MPPED1: variants seen among roughly 807,000 people sequenced by gnomAD.
The protein encoded by MPPED1 is metallophosphoesterase domain containing 1.
In MPPED1, 16 loss-of-function variants were observed where a neutral mutation model predicts 36.2. That is an observed-to-expected ratio of 0.44 (90% CI 0.30 to 0.67). MPPED1 has a LOEUF of 0.67. Ranked by LOEUF, MPPED1 falls within the 30% of genes least tolerant of loss-of-function variation. The probability of loss-of-function intolerance (pLI) is 0.10; values close to 1 mark genes in which losing one functional copy is unlikely to be tolerated. For missense variants in MPPED1, 307 were observed against 453.4 expected, an observed-to-expected ratio of 0.68 and a Z score of 2.93; for synonymous variants, 199 against 191.3, an observed-to-expected ratio of 1.04 and a Z score of -0.33.
intron 3 of MPPED1, among the ~76,000 whole-genome samples, chr22:43,462,686 T>G (rs1221032835): frequency 1.3e-5 from 2 of 152,218 alleles, no homozygotes; most frequent in East Asian, 3.8e-4. Flanking sequence ...CTCTGTAGTG[T>G]GGTGAGATGT....
chr22:43,456,597 C>T (rs146316049), intron 3 of MPPED1, among the ~76,000 whole-genome samples: 22 of 152,212 alleles, frequency 1.4e-4, no homozygotes, highest in African/African-American at 4.6e-4. Context: ...CAGGTTCAAG[C>T]GATTCCTGTG....
intron 2 of MPPED1, among the ~76,000 whole-genome samples, chr22:43,425,576 C>T (rs1441929386): frequency 3.3e-5 from 5 of 152,240 alleles, no homozygotes; most frequent in African/African-American, 1.2e-4. Flanking sequence ...CTGGCGGGGG[C>T]CACATTCCCG....
chr22:43,502,926 AAATGT>A lies in MPPED1; in HGVS notation c.862+170_862+174del, dbSNP rs1932761469. Among the ~76,000 whole-genome samples the A allele has an allele frequency of 6.6e-6, 1 of 152,198 alleles. No homozygotes were observed. The highest frequency in any genetic ancestry group is 2.4e-5 in the African/African-American group (1 of 41,448). On this transcript the variant is annotated intron_variant, in intron 6 of 6. Transcript: ENST00000443721. The surrounding 1 kb of genome is among the most constrained non-coding windows in gnomAD (Gnocchi z 5.5). Reference sequence around the variant, plus strand: ...CCCTGGCTGTCAATGAGCTATTGCTAAATGTTTAATAATAGGAAGATGATCACAAC... The same window carrying A: ...CCCTGGCTGTCAATGAGCTATTGCTATTAATAATAGGAAGATGATCACAAC...
chr22:43,466,499 C>T (rs1931176583), intron 3 of MPPED1, among the ~76,000 whole-genome samples: 1 of 152,198 alleles, frequency 6.6e-6, no homozygotes, highest in Non-Finnish European at 1.5e-5. Flanking sequence ...CCCCGAAATG[C>T]AATGAAAATG....
chr22:43,425,680 C>T (rs1316559698), intron 2 of MPPED1, among the ~76,000 whole-genome samples: 2 of 152,256 alleles, frequency 1.3e-5, no homozygotes, highest in East Asian at 3.9e-4. Flanking sequence ...GGGGAAGGGG[C>T]TCGCCACAAG....
At chr22:43,445,143 C>T (rs1202369781) in intron 3 of MPPED1, among the ~76,000 whole-genome samples, 1 of 152,238 alleles carries the variant, frequency 6.6e-6, no homozygotes, top group Non-Finnish European at 1.5e-5. Flanking sequence ...TGACATCCAT[C>T]TCATTCCACT....
intron 4 of MPPED1, among the ~76,000 whole-genome samples, chr22:43,481,376 T>C (rs939253768): frequency 2.0e-5 from 3 of 152,184 alleles, no homozygotes; most frequent in African/African-American, 7.2e-5. Context: ...GACCGCCCTG[T>C]CTTTATTACT....
At chr22:43,446,891 T>G (rs1454911911) in intron 3 of MPPED1, among the ~76,000 whole-genome samples, 1 of 152,184 alleles carries the variant, frequency 6.6e-6, no homozygotes, top group Non-Finnish European at 1.5e-5. Context: ...CAAGCAAGAC[T>G]TCCACTTGAG....
intron 3 of MPPED1, among the ~76,000 whole-genome samples, chr22:43,460,183 G>T (rs914474614): frequency 4.7e-5 from 7 of 149,644 alleles, no homozygotes; most frequent in Admixed American, 2.7e-4. Context: ...CTCCAGCCTG[G>T]CGACAGAGTG....
intron 3 of MPPED1, among the ~76,000 whole-genome samples, chr22:43,448,521 C>T (rs1004701132): frequency 7.2e-5 from 11 of 152,104 alleles, no homozygotes; most frequent in Non-Finnish European, 1.2e-4. Flanking sequence ...TAAGGTCATA[C>T]GGCAAAGAAA....
intron 1 of MPPED1, among the ~76,000 whole-genome samples, chr22:43,423,039 G>A (rs1449990782): frequency 3.9e-5 from 6 of 152,200 alleles, no homozygotes; most frequent in East Asian, 3.9e-4. Context: ...GTTTCACTAT[G>A]TTGGCCAGGC....
chr22:43,472,385 A>G (rs1931405333), intron 3 of MPPED1, among the ~76,000 whole-genome samples: 1 of 152,190 alleles, frequency 6.6e-6, no homozygotes, highest in African/African-American at 2.4e-5. Context: ...ATCTTCTATA[A>G]TATCAGAACA....
At chr22:43,419,641 G>C (rs1044246338) in intron 1 of MPPED1, among the ~76,000 whole-genome samples, 2 of 151,996 alleles carry the variant, frequency 1.3e-5, no homozygotes, top group Admixed American at 6.6e-5. Context: ...GGAATGGCAC[G>C]GGCAGAGGTG....
chr22:43,481,140 T>C (rs1374179593), intron 4 of MPPED1, among the ~76,000 whole-genome samples: 3 of 152,200 alleles, frequency 2.0e-5, no homozygotes, highest in Admixed American at 6.5e-5. Flanking sequence ...TATATTGTCT[T>C]CCAGAACTTT....
intron 3 of MPPED1, among the ~76,000 whole-genome samples, chr22:43,457,145 C>T (rs899576381): frequency 6.6e-6 from 1 of 152,160 alleles, no homozygotes; most frequent in Non-Finnish European, 1.5e-5. Flanking sequence ...AGTGTTTTCT[C>T]CTCTTTTGCT....
chr22:43,489,562 A>G (rs1203585976), intron 4 of MPPED1, among the ~76,000 whole-genome samples: 10 of 150,772 alleles, frequency 6.6e-5, no homozygotes. Context: ...TCTGTCGCCC[A>G]GGCTGGAGTG....
intron 4 of MPPED1, among the ~76,000 whole-genome samples, chr22:43,493,597 C>G (rs1344535115): frequency 6.6e-6 from 1 of 152,216 alleles, no homozygotes; most frequent in Non-Finnish European, 1.5e-5. Context: ...CTGCTGGGAG[C>G]CTCAGTGTCC....
intron 2 of MPPED1, among the ~76,000 whole-genome samples, chr22:43,427,083 G>A (rs975189019): frequency 2.0e-5 from 3 of 152,220 alleles, no homozygotes; most frequent in Non-Finnish European, 4.4e-5. Flanking sequence ...CCTGCCCAGT[G>A]GGCAAGGAGA....
intron 3 of MPPED1, among the ~76,000 whole-genome samples, chr22:43,466,245 G>A (rs760423227): frequency 1.3e-5 from 2 of 152,196 alleles, no homozygotes; most frequent in Non-Finnish European, 2.9e-5. Flanking sequence ...CTCCCATGAG[G>A]ACCCGTGGAG....
Sources: allele counts gnomAD v4.1 joint callset (sites outside exome capture counted in the v4.1 genomes callset), GRCh38; gene constraint gnomAD v4.1.1; non-coding constraint Gnocchi (gnomAD v3.1); transcripts MANE v1.5; gene names NCBI Gene and HGNC (gene_info 2026-07-23, HGNC 2026-07-21).